The following LYZL4 variants were observed in gnomAD, a reference collection of about 807,000 sequenced individuals.
LYZL4 encodes the protein lysozyme-like protein 4.
Under a neutral mutation model 17.6 loss-of-function variants are expected in LYZL4, and 13 were observed. That is an observed-to-expected ratio of 0.74 (90% CI 0.48 to 1.18). The LOEUF (loss-of-function observed/expected upper bound fraction) is 1.18. Among genes scored for constraint, LYZL4 ranks in the 50% most tolerant of loss-of-function variants. The pLI, the probability that LYZL4 is intolerant of heterozygous loss-of-function variation, is 0.00. For synonymous variants in LYZL4, 64 were observed against 67.7 expected (o/e 0.95, Z 0.27); for missense variants, 174 against 188.2 (o/e 0.92, Z 0.44).
the LYZL4 span, among the ~76,000 whole-genome samples, chr3:42,375,904 A>G: frequency 2.0e-5 from 3 of 152,298 alleles, no homozygotes; most frequent in Non-Finnish European, 4.4e-5. Context: ...ATATACTAGT[A>G]CTTTCCTTAC....
At chr3:42,395,517 A>G (rs959342298), downstream of LYZL4, among the ~76,000 whole-genome samples, 1 of 152,212 alleles carries the variant, frequency 6.6e-6, no homozygotes, top group East Asian at 1.9e-4. Context: ...ACACGAAAGC[A>G]GGGAAGATAT....
the LYZL4 span, among the ~76,000 whole-genome samples, chr3:42,366,159 A>G: frequency 0.17 from 26,463 of 151,730 alleles, 6,042 homozygotes; most frequent in African/African-American, 0.52. Flanking sequence ...TGATGGGAAG[A>G]AAGGATGCCA....
In LYZL4 at chr3:42,408,488, T is replaced by A. The variant is rs79784531; in HGVS notation, c.-92-1145A>T. 2.3e-3 allele frequency among the ~76,000 whole-genome samples: 352 copies of A among 152,332 alleles called. 2 individuals carry two copies. The highest frequency in any genetic ancestry group is 7.9e-3 in the South Asian group (38 of 4,822). On this transcript the variant is annotated intron_variant, in intron 1 of 4. Transcript: ENST00000287748. The stretch of plus-strand genomic sequence containing the variant: ...AGGCCTCACCCCGGGTGCCAACTTC[T>A]TGAATCCTGATGGATCCTCCATAAA...
the LYZL4 span, among the ~76,000 whole-genome samples, chr3:42,367,702 G>C: frequency 1.3e-5 from 2 of 152,166 alleles, no homozygotes. Context: ...CAGGATATGA[G>C]GGGCTTTCTT....
At chr3:42,396,629 C>G (rs1409632579), downstream of LYZL4, among the ~76,000 whole-genome samples, 1 of 152,194 alleles carries the variant, frequency 6.6e-6, no homozygotes, top group East Asian at 1.9e-4. Context: ...CAAAACATAA[C>G]AGCAATTGTC....
At chr3:42,401,754 AC>A (rs1698657390) in intron 4 of LYZL4, among the ~76,000 whole-genome samples, 1 of 152,170 alleles carries the variant, frequency 6.6e-6, no homozygotes, top group Non-Finnish European at 1.5e-5. Flanking sequence ...TTAAAAAAAA[AC>A]TTTAACAAAC....
At chr3:42,377,259 A>ATAAT in the LYZL4 span, among the ~76,000 whole-genome samples, 75 of 152,154 alleles carry the variant, frequency 4.9e-4, no homozygotes, top group Admixed American at 3.6e-3. Context: ...ACTTGACTAT[A>ATAAT]CAATCTCCTT....
At chr3:42,372,836 C>T in the LYZL4 span, among the ~76,000 whole-genome samples, 17 of 152,240 alleles carry the variant, frequency 1.1e-4, no homozygotes, top group Non-Finnish European at 2.4e-4. Context: ...TGTGGGGCAC[C>T]CACAGCATGT....
the LYZL4 span, among the ~76,000 whole-genome samples, chr3:42,374,449 T>TC: frequency 1.1e-4 from 16 of 152,190 alleles, no homozygotes; most frequent in Non-Finnish European, 2.1e-4. Flanking sequence ...AGAATTTTCA[T>TC]CCCCCACAGC....
intron 4 of LYZL4, among the ~76,000 whole-genome samples, chr3:42,401,442 C>T (rs908724399): frequency 6.6e-6 from 1 of 152,046 alleles, no homozygotes; most frequent in African/African-American, 2.4e-5. Flanking sequence ...TCTTGAACTC[C>T]TGACCTCAGG....
chr3:42,373,810 T>G, the LYZL4 span, among the ~76,000 whole-genome samples: 783 of 152,296 alleles, frequency 5.1e-3, 4 homozygotes, highest in Middle Eastern at 0.01. Context: ...AAGTCCAGTG[T>G]CAGAAATTCC....
intron 3 of LYZL4, among the ~76,000 whole-genome samples, chr3:42,404,945 C>A (rs1005336200): frequency 6.6e-6 from 1 of 152,164 alleles, no homozygotes; most frequent in African/African-American, 2.4e-5. Flanking sequence ...AAGGGCCCTG[C>A]CTGGCATTTT....
chr3:42,365,772 C>A, the LYZL4 span, among the ~76,000 whole-genome samples: 1 of 152,108 alleles, frequency 6.6e-6, no homozygotes, highest in East Asian at 1.9e-4. Flanking sequence ...ATGCTCTAGA[C>A]AAAAGTTACA....
the LYZL4 span, among the ~76,000 whole-genome samples, chr3:42,370,426 C>T: frequency 6.6e-6 from 1 of 152,224 alleles, no homozygotes; most frequent in Non-Finnish European, 1.5e-5. Flanking sequence ...CTCTTCTGCC[C>T]TCTGTTATGA....
the LYZL4 span, among the ~76,000 whole-genome samples, chr3:42,373,812 A>G: frequency 6.6e-6 from 1 of 152,210 alleles, no homozygotes; most frequent in African/African-American, 2.4e-5. Flanking sequence ...GTCCAGTGTC[A>G]GAAATTCCCA....
At chr3:42,389,240 C>T in the LYZL4 span, among the ~76,000 whole-genome samples, 1 of 152,180 alleles carries the variant, frequency 6.6e-6, no homozygotes, top group Admixed American at 6.5e-5. Context: ...AGACATTCTT[C>T]CTCTGACAGA....
rs1698560563 is a variant in LYZL4, at chr3:42,397,113, C to T, written c.*152G>A. ...TAACTAGTTTGGTTTATTCTGCATC[C>T]TGCATCCCCGGATGAAGCAAACTTT... On this transcript the variant is annotated 3_prime_UTR_variant, in exon 5 of 5. Coordinates refer to ENST00000287748, the MANE Select transcript of LYZL4 (RefSeq NM_144634.4). 1 of 591,352 alleles carries T rather than the reference C, an allele frequency of 1.7e-6. No homozygotes were observed. Among genetic ancestry groups the T allele is most frequent in the Non-Finnish European group, 3.1e-6 (1 of 325,738 alleles). 36.6% of individuals were successfully genotyped at this position (591,352 alleles called of 1,614,324 possible).
chr3:42,403,265 CTT>C (rs5848623), intron 4 of LYZL4, among the ~76,000 whole-genome samples: 4 of 144,370 alleles, frequency 2.8e-5, no homozygotes, highest in Non-Finnish European at 1.5e-5. Flanking sequence ...TATTATCCAC[CTT>C]TTTTTTTTTT....
At chr3:42,380,367 G>T in the LYZL4 span, among the ~76,000 whole-genome samples, 1 of 152,156 alleles carries the variant, frequency 6.6e-6, no homozygotes, top group Non-Finnish European at 1.5e-5. Flanking sequence ...TTATGTTCAT[G>T]ATCTTTCTGC....
Sources: allele counts gnomAD v4.1 joint callset (sites outside exome capture counted in the v4.1 genomes callset), GRCh38; gene constraint gnomAD v4.1.1; transcripts MANE v1.5; gene names NCBI Gene and HGNC (gene_info 2026-07-23, HGNC 2026-07-21).